RNF123: variants seen among roughly 807,000 people sequenced by gnomAD.
RNF123 encodes E3 ubiquitin-protein ligase RNF123.
A neutral mutation model predicts 168.5 loss-of-function variants in RNF123; 86 were observed. The observed-to-expected ratio is 0.51, with a 90% CI of 0.43 to 0.61. The LOEUF (loss-of-function observed/expected upper bound fraction) is 0.61, where lower values mean the gene tolerates loss of function less well. RNF123 is among the 20% of genes least tolerant of loss of function. The pLI is 0.00. For synonymous variants in RNF123, 666 were observed against 689.1 expected, an observed-to-expected ratio of 0.97 and a Z score of 0.52; for missense variants, 1,419 against 1,729.7, an observed-to-expected ratio of 0.82 and a Z score of 3.19.
At chr3:49,707,742 C>T (rs566032246) in intron 26 of RNF123, among the ~76,000 whole-genome samples, 1 of 152,154 alleles carries the variant, frequency 6.6e-6, no homozygotes, top group South Asian at 2.1e-4. Flanking sequence ...ACCACCTCCA[C>T]CTTTTTCCCA....
intron 3 of RNF123, chr3:49,696,907 A>C: frequency 2.1e-6 from 1 of 475,776 alleles, no homozygotes; most frequent in South Asian, 1.9e-5. Flanking sequence ...CGGCCTCCCA[A>C]AGTGCTGGGA....
At position 49,706,812 on chromosome 3, in the gene RNF123, T is replaced by A. The variant is rs750186707; in HGVS notation, c.2410T>A (p.Leu804Met). 6.2e-7 allele frequency: 1 copy of A among 1,614,140 alleles called. No individual in the cohort carries two copies. The highest frequency in any genetic ancestry group is 1.1e-5 in the South Asian group (1 of 91,086). The change falls in exon 26 of 39, where the codon TTG becomes ATG. Residue 804 changes from leucine to methionine, a missense_variant. Physicochemically the swap from Leu to Met is conservative, Grantham distance 15. Around this residue, in one of 5 missense-constraint regions of RNF123, gnomAD observed 538 missense variants for 708.8 expected, o/e 0.76. Coordinates refer to ENST00000327697, the MANE Select transcript of RNF123 (RefSeq NM_022064.5). The stretch of plus-strand genomic sequence containing the variant: ...GCAGAGGAAGGACATCCTTGCAGAG[T>A]TGACCAAGAGCCAGAAGGTTTTCTC... ...PKRRKDILAE[L>M]TKSQKVFSEK... is the part of the protein sequence containing the mutation.
intron 18 of RNF123, 67 bp downstream of exon 18, chr3:49,702,211 C>T: frequency 6.3e-7 from 1 of 1,596,908 alleles, no homozygotes; most frequent in Admixed American, 1.7e-5. Flanking sequence ...GCCTTAAGAC[C>T]CAGAGGGTGG....
intron 35 of RNF123, chr3:49,717,988 G>T (rs1173842760): frequency 6.2e-7 from 1 of 1,613,444 alleles, no homozygotes; most frequent in Non-Finnish European, 8.5e-7. Flanking sequence ...TATGGAGCTG[G>T]CGGACTCAGA....
intron 15 of RNF123, 69 bp downstream of exon 15, chr3:49,700,778 G>A (rs1361709132): frequency 6.5e-7 from 1 of 1,546,498 alleles, no homozygotes; most frequent in South Asian, 1.1e-5. Context: ...GGCCAGGAAG[G>A]GGAGTGTCAT....
chr3:49,698,854 C>G (rs778745849), intron 9 of RNF123, 32 bp downstream of exon 9: 3 of 1,610,322 alleles, frequency 1.9e-6, no homozygotes, highest in Non-Finnish European at 2.5e-6. Flanking sequence ...ACAGGCCTGG[C>G]CCCTGGGGCC....
intron 26 of RNF123, among the ~76,000 whole-genome samples, chr3:49,710,364 C>T (rs1340971118): frequency 1.3e-5 from 2 of 152,198 alleles, no homozygotes; most frequent in Non-Finnish European, 2.9e-5. Flanking sequence ...ACTGCAACCT[C>T]TGCCTCCCAG....
chr3:49,705,997 G>A lies in RNF123; in HGVS notation c.2320G>A (p.Asp774Asn), dbSNP rs1559680147. The change falls in exon 25 of 39, where the codon GAT (aspartate) becomes AAT (asparagine). Residue 774 changes from aspartate (D) to asparagine (N), a missense_variant. This residue lies in a region of RNF123 where 538 missense variants were observed against 708.8 expected (regional missense o/e 0.76). Transcript: ENST00000327697. ...TGCTGTGTAGATGGTGGGTGTCTCC[G>A]ATGATGTCAATGAATACGCTATGGC... ...QQLGKMVGVS[D>N]DVNEYAMALR... The A allele has an allele frequency of 7.4e-6, 12 of 1,613,470 alleles. No homozygotes were observed. Among genetic ancestry groups the A allele is most frequent in the South Asian group, 1.1e-5 (1 of 91,028 alleles).
intron 16 of RNF123, 96 bp downstream of exon 16, chr3:49,701,704 G>C: frequency 7.5e-6 from 11 of 1,465,368 alleles, no homozygotes; most frequent in Non-Finnish European, 1.0e-5. Flanking sequence ...CTTTTCACTG[G>C]CCCTGGTCCC....
chr3:49,697,868 C>A lies in RNF123; in HGVS notation c.343-17C>A, dbSNP rs1195634380. On this transcript the variant is annotated splice_polypyrimidine_tract_variant and intron_variant, in intron 5 of 38. Coordinates refer to ENST00000327697, the MANE Select transcript of RNF123 (RefSeq NM_022064.5). The stretch of plus-strand genomic sequence containing the variant: ...GTGTGCCTGGGAGCTAGCCCACCAC[C>A]CCTCTTCTTCACCCAGGTGATTGGA... The A allele has an allele frequency of 2.5e-6, 4 of 1,613,980 alleles. No individual in the cohort carries two copies. Among genetic ancestry groups the A allele is most frequent in the Non-Finnish European group, 3.4e-6 (4 of 1,180,020 alleles).
Position 49,701,577 on chromosome 3 carries a change from C to T in RNF123, c.1364C>T (p.Thr455Ile), listed in dbSNP as rs766943338. Residue 455 changes from threonine to isoleucine, a missense_variant, in exon 16 of 39, where the codon ACC becomes ATC. By Grantham distance (89) the Thr-to-Ile change is moderately conservative. Transcript: ENST00000327697. Reference sequence around the variant, plus strand: ...GCCGGCCTGCAGGAGCTCATTCCCACCACCTGGTGGCCCCACTGCTCCAGT... The same window carrying T: ...GCCGGCCTGCAGGAGCTCATTCCCATCACCTGGTGGCCCCACTGCTCCAGT... ...EEAGLQELIPTTWWPHCSSRE... is the reference protein window; with the variant it reads ...EEAGLQELIPITWWPHCSSRE... The T allele has an allele frequency of 5.6e-6, 9 of 1,613,756 alleles. No individual in the cohort carries two copies. In the Admixed American group the frequency reaches 1.2e-4, roughly 21 times the overall value.
chr3:49,719,535 G>C, intron 35 of RNF123: 1 of 1,322,574 alleles, frequency 7.6e-7, no homozygotes, highest in Non-Finnish European at 1.0e-6. Context: ...ACCCTCTTCT[G>C]CTCTAGTGCG....
chr3:49,712,343 G>C (rs761671948), intron 26 of RNF123, 136 bp from the exon 27 acceptor site: 7 of 785,090 alleles, frequency 8.9e-6, no homozygotes, highest in African/African-American at 1.7e-5. Flanking sequence ...TTGAGCTACT[G>C]CTCATGCTTC....
At chr3:49,703,306 T>C in intron 20 of RNF123, 121 bp from the exon 21 acceptor site, 1 of 724,750 alleles carries the variant, frequency 1.4e-6, no homozygotes, top group Non-Finnish European at 2.4e-6. Flanking sequence ...TCTGCCTGGA[T>C]GGGTGAGTGG....
chr3:49,710,873 A>G (rs1297043031), intron 26 of RNF123, among the ~76,000 whole-genome samples: 2 of 152,130 alleles, frequency 1.3e-5, no homozygotes, highest in East Asian at 1.9e-4. Flanking sequence ...GAGGCTTTTC[A>G]TATATGGTCT....
At chr3:49,718,644 C>G (rs2080308390) in intron 35 of RNF123, 1 of 1,612,890 alleles carries the variant, frequency 6.2e-7, no homozygotes, top group Non-Finnish European at 8.5e-7. Context: ...CTGGGGCCGA[C>G]GAGCAGTTCT....
intron 35 of RNF123, chr3:49,719,035 C>G: frequency 6.2e-7 from 1 of 1,613,916 alleles, no homozygotes; most frequent in Non-Finnish European, 8.5e-7. Flanking sequence ...GTGCACCAAG[C>G]GGTTATTGAA....
intron 35 of RNF123, chr3:49,719,127 C>T: frequency 6.2e-7 from 1 of 1,613,562 alleles, no homozygotes; most frequent in African/African-American, 1.3e-5. Context: ...ATAGATCGAG[C>T]AGCCTCAGGC....
intron 27 of RNF123, 70 bp from the exon 28 acceptor site, chr3:49,713,443 C>G: frequency 6.8e-7 from 1 of 1,464,468 alleles, no homozygotes; most frequent in South Asian, 1.2e-5. Context: ...CAAGTCCACC[C>G]ACCCTGCTGA....
Sources: allele counts gnomAD v4.1 joint callset (sites outside exome capture counted in the v4.1 genomes callset), GRCh38; gene constraint gnomAD v4.1.1; regional missense constraint gnomAD v4.1.1; transcripts MANE v1.5; gene names NCBI Gene and HGNC (gene_info 2026-07-23, HGNC 2026-07-21).